Variants in CC2D2A observed in about 807,000 individuals in gnomAD.
The protein encoded by CC2D2A is coiled-coil and C2 domain-containing protein 2A.
CC2D2A carries 155 observed loss-of-function variants against 212.9 expected under a neutral mutation model. The ratio of observed to expected loss-of-function variants is 0.73; its 90% CI spans 0.64 to 0.83. CC2D2A has a LOEUF of 0.83. Among genes scored for constraint, CC2D2A ranks in the 40% least tolerant of loss-of-function variants. CC2D2A has a pLI of 0.00. For missense variants in CC2D2A, 1,856 were observed against 1,956.2 expected, an observed-to-expected ratio of 0.95 and a Z score of 0.97; for synonymous variants, 667 against 686.5, an observed-to-expected ratio of 0.97 and a Z score of 0.44.
chr4:15,594,042 C>G (rs950872883), intron 33 of CC2D2A, among the ~76,000 whole-genome samples: 10 of 152,112 alleles, frequency 6.6e-5, no homozygotes, highest in Admixed American at 5.9e-4. Flanking sequence ...CCTCTCTCCC[C>G]CTTCCTCTGA....
intron 17 of CC2D2A, among the ~76,000 whole-genome samples, chr4:15,541,658 C>G (rs906748658): frequency 6.6e-6 from 1 of 152,052 alleles, no homozygotes; most frequent in Non-Finnish European, 1.5e-5. Context: ...TACAAGGACT[C>G]TAGTGTAATA....
rs34391641 is a variant in CC2D2A, at chr4:15,487,792, AT to A, written c.247+6976del. ...TTTTCTCCAGTAGTATGTTAAAAAA[AT>A]TTTTTTTTTTGTACCTGTCATAGGT... is the stretch of plus-strand genomic sequence containing the variant. On this transcript the variant is annotated intron_variant, in intron 4 of 36. Transcript: ENST00000424120. Among the ~76,000 whole-genome samples, 1,260 of 147,520 alleles carry A rather than the reference AT, an allele frequency of 8.5e-3. 27 individuals carry two copies. Among genetic ancestry groups the A allele is most frequent in the African/African-American group, 0.03 (1,197 of 40,034 alleles).
chr4:15,485,216 T>A (rs780477806), intron 4 of CC2D2A, among the ~76,000 whole-genome samples: 4 of 152,248 alleles, frequency 2.6e-5, no homozygotes, highest in Non-Finnish European at 5.9e-5. Flanking sequence ...CACATATGAG[T>A]GAAAACATGT....
chr4:15,489,382 C>T (rs564090012), intron 4 of CC2D2A, among the ~76,000 whole-genome samples: 1 of 152,214 alleles, frequency 6.6e-6, no homozygotes, highest in Non-Finnish European at 1.5e-5. Context: ...GATGAACATT[C>T]TAGTCCAAGG....
chr4:15,495,337 G>C (rs1193013409), intron 4 of CC2D2A, among the ~76,000 whole-genome samples: 1 of 152,144 alleles, frequency 6.6e-6, no homozygotes, highest in East Asian at 1.9e-4. Flanking sequence ...TTGAACTTCT[G>C]AGCTCAGACA....
At chr4:15,598,065 C>A (rs1296963506) in intron 35 of CC2D2A, among the ~76,000 whole-genome samples, 1 of 152,134 alleles carries the variant, frequency 6.6e-6, no homozygotes, top group African/African-American at 2.4e-5. Flanking sequence ...TAGAAAATAT[C>A]GGTTTACACT....
At chr4:15,525,495 A>AT (rs140810212) in intron 11 of CC2D2A, among the ~76,000 whole-genome samples, 334 of 152,276 alleles carry the variant, frequency 2.2e-3, no homozygotes, top group African/African-American at 7.7e-3. Flanking sequence ...TGCAGTTTAT[A>AT]ATTGAATACT....
intron 17 of CC2D2A, among the ~76,000 whole-genome samples, chr4:15,550,332 G>T (rs1718931631): frequency 6.6e-6 from 1 of 152,182 alleles, no homozygotes; most frequent in Admixed American, 6.5e-5. Context: ...TGAAAGAGAA[G>T]AACTTGATAG....
chr4:15,500,129 A>ATG (rs1188231255), intron 4 of CC2D2A, among the ~76,000 whole-genome samples: 5,029 of 140,644 alleles, frequency 0.036, 274 homozygotes, highest in African/African-American at 0.11. Context: ...ATATATATAT[A>ATG]TATGTATTTT....
intron 4 of CC2D2A, among the ~76,000 whole-genome samples, chr4:15,484,796 A>G (rs1449245548): frequency 2.0e-5 from 3 of 152,178 alleles, no homozygotes; most frequent in African/African-American, 7.2e-5. Context: ...GGACATGCAA[A>G]GTTGAGATGC....
At chr4:15,541,114 C>T (rs936825229) in intron 17 of CC2D2A, 100 bp downstream of exon 17, 10 of 894,994 alleles carry the variant, frequency 1.1e-5, no homozygotes, top group Non-Finnish European at 1.6e-5. Flanking sequence ...GAGTTCGAGA[C>T]CAGCCTGGCC....
chr4:15,559,113 TAAGAA>T (rs1719435943), intron 21 of CC2D2A, 47 bp from the exon 22 acceptor site: 4 of 1,062,764 alleles, frequency 3.8e-6, no homozygotes, highest in South Asian at 3.0e-5. Context: ...TACCTGATCT[TAAGAA>T]AAGCACCAGA....
At chr4:15,501,482 C>G (rs1715949919) in intron 4 of CC2D2A, among the ~76,000 whole-genome samples, 2 of 152,106 alleles carry the variant, frequency 1.3e-5, no homozygotes, top group South Asian at 4.1e-4. Context: ...GGGAATATAG[C>G]CGAGACTCCT....
chr4:15,492,852 G>A, intron 4 of CC2D2A: 1 of 592,594 alleles, frequency 1.7e-6, no homozygotes. Context: ...CATCGAAGGT[G>A]GAAGAGTGGG....
chr4:15,576,271 C>G (rs1309997930), intron 29 of CC2D2A: 1 of 392,644 alleles, frequency 2.5e-6, no homozygotes, highest in African/African-American at 2.2e-5. Flanking sequence ...AAACACTGCT[C>G]AGTGATTCAC....
rs137919504 is a variant in CC2D2A, at chr4:15,516,011, G to A, written c.1017+7G>A. 1.5e-4 allele frequency: 239 copies of A among 1,586,176 alleles called. No individual in the cohort carries two copies. The African/African-American group carries it at 2.9e-3, about 19-fold the overall frequency. ...ATTGCTGATGCAGGACCCCGTAAGT[G>A]TGCACCCTCTGCTCTCAGGTGTAGC... is the stretch of plus-strand genomic sequence containing the variant. On this transcript the variant is annotated splice_region_variant and intron_variant, in intron 10 of 36. Transcript: ENST00000424120.
intron 34 of CC2D2A, 29 bp downstream of exon 34, chr4:15,596,236 T>C: frequency 6.8e-7 from 1 of 1,473,174 alleles, no homozygotes. Context: ...CAGTTAAATG[T>C]AGACAAAGTA....
At chr4:15,556,559 TTGAC>T (rs1399949975) in intron 20 of CC2D2A, among the ~76,000 whole-genome samples, 1 of 152,258 alleles carries the variant, frequency 6.6e-6, no homozygotes, top group Non-Finnish European at 1.5e-5. Flanking sequence ...GATTGCCTTC[TTGAC>T]TGGTCTCTTG....
intron 23 of CC2D2A, among the ~76,000 whole-genome samples, chr4:15,562,415 A>C (rs1468735): frequency 0.14 from 20,851 of 152,308 alleles, 1,506 homozygotes; most frequent in Non-Finnish European, 0.15. Context: ...TATTTGGTCC[A>C]TGAACGTTTC....
Sources: gnomAD v4.1 joint callset for allele counts (sites outside exome capture counted in the v4.1 genomes callset) on GRCh38, gnomAD v4.1.1 for gene constraint, MANE v1.5 for transcripts, NCBI Gene and HGNC (gene_info 2026-07-23, HGNC 2026-07-21) for gene names.